USH2A: variants seen among roughly 807,000 people sequenced by gnomAD.
USH2A encodes the protein usherin, also known as Usher syndrome 2A (autosomal recessive, mild).
Under a neutral mutation model 538.9 loss-of-function variants are expected in USH2A, and 443 were observed. That is an observed-to-expected ratio of 0.82 (90% CI 0.76 to 0.89). USH2A has a LOEUF of 0.89. Among genes scored for constraint, USH2A ranks in the 40% least tolerant of loss-of-function variants. The pLI is 0.00. For synonymous variants in USH2A, 2,413 were observed against 2,273.5 expected, an observed-to-expected ratio of 1.06 and a Z score of -1.75; for missense variants, 6,633 against 6,324.8, an observed-to-expected ratio of 1.05 and a Z score of -1.65.
At chr1:215,864,897 A>C (rs1197981546) in intron 44 of USH2A, among the ~76,000 whole-genome samples, 1 of 152,180 alleles carries the variant, frequency 6.6e-6, no homozygotes, top group Admixed American at 6.5e-5. Context: ...TGCTACCAAA[A>C]TGATGTGTAC....
At chr1:215,957,061 T>C (rs957448541) in intron 37 of USH2A, among the ~76,000 whole-genome samples, 2 of 152,190 alleles carry the variant, frequency 1.3e-5, no homozygotes, top group African/African-American at 4.8e-5. Flanking sequence ...TAGATTTGTA[T>C]GTATTTATAC....
chr1:216,035,065 T>G (rs1186682429), intron 32 of USH2A, among the ~76,000 whole-genome samples: 2 of 152,224 alleles, frequency 1.3e-5, no homozygotes, highest in Non-Finnish European at 2.9e-5. Flanking sequence ...ATATCCATCT[T>G]AAAACTGATT....
At chr1:215,762,499 T>C (rs551258522) in intron 56 of USH2A, among the ~76,000 whole-genome samples, 1 of 152,314 alleles carries the variant, frequency 6.6e-6, no homozygotes, top group African/African-American at 2.4e-5. Context: ...AAAAGCTCTT[T>C]TCAAGTTGGT....
At chr1:216,181,005 C>T (rs1478447042) in intron 20 of USH2A, among the ~76,000 whole-genome samples, 3 of 152,018 alleles carry the variant, frequency 2.0e-5, no homozygotes, top group South Asian at 2.1e-4. Flanking sequence ...AGTTTTCCCC[C>T]GAAACTCTCA....
In USH2A at chr1:215,813,730, C is replaced by A. The variant is rs897563653; in HGVS notation, c.9739+6G>T. The stretch of plus-strand genomic sequence containing the variant: ...GTTTTTGAGTACACCTGGAAATAAC[C>A]CTCACCTGGTAGAATTCTAGCGTAA... On this transcript the variant is annotated splice_donor_region_variant and intron_variant, in intron 49 of 71. Transcript: ENST00000307340. The A allele has an allele frequency of 6.2e-7, 1 of 1,613,680 alleles. No homozygotes were observed. The highest frequency in any genetic ancestry group is 1.1e-5 in the South Asian group (1 of 91,080).
intron 37 of USH2A, among the ~76,000 whole-genome samples, chr1:215,957,425 T>C (rs1267492437): frequency 1.3e-5 from 2 of 152,192 alleles, no homozygotes; most frequent in African/African-American, 4.8e-5. Context: ...GAAGACATAG[T>C]ACAATATCTT....
At chr1:216,260,613 T>A (rs2036353038) in intron 11 of USH2A, among the ~76,000 whole-genome samples, 1 of 152,194 alleles carries the variant, frequency 6.6e-6, no homozygotes, top group Non-Finnish European at 1.5e-5. Context: ...TTGAGAATCA[T>A]GAATTAGAGG....
At chr1:216,212,704 T>TGTGTGTGC (rs781591943) in intron 15 of USH2A, among the ~76,000 whole-genome samples, 72 of 151,326 alleles carry the variant, frequency 4.8e-4, no homozygotes, top group African/African-American at 1.6e-3. Context: ...TGTGTGTGTG[T>TGTGTGTGC]GCATGCACAT....
chr1:215,981,841 G>A (rs887788450), intron 35 of USH2A, among the ~76,000 whole-genome samples: 2 of 152,110 alleles, frequency 1.3e-5, no homozygotes, highest in Non-Finnish European at 2.9e-5. Flanking sequence ...TCATTCAATG[G>A]CATTTTACTA....
intron 21 of USH2A, among the ~76,000 whole-genome samples, chr1:216,105,011 A>G (rs1248721998): frequency 6.6e-6 from 1 of 152,222 alleles, no homozygotes; most frequent in Non-Finnish European, 1.5e-5. Context: ...ATATGAACAC[A>G]TACTTCTCAA....
At chr1:216,260,746 T>C (rs921418680) in intron 11 of USH2A, among the ~76,000 whole-genome samples, 1 of 152,048 alleles carries the variant, frequency 6.6e-6, no homozygotes, top group Non-Finnish European at 1.5e-5. Flanking sequence ...ATTAACCAGC[T>C]CCATTATATT....
At chr1:216,064,594 C>T (rs1421853028) in intron 30 of USH2A, among the ~76,000 whole-genome samples, 1 of 151,798 alleles carries the variant, frequency 6.6e-6, no homozygotes, top group African/African-American at 2.4e-5. Flanking sequence ...TCATGTGCTA[C>T]ATAATGTTTT....
At position 215,639,187 on chromosome 1, in the gene USH2A, G is replaced by A. The variant is rs1237333884; in HGVS notation, c.15020C>T (p.Pro5007Leu). 1.2e-6 allele frequency: 2 copies of A among 1,614,048 alleles called. No homozygotes were observed. Among genetic ancestry groups the A allele is most frequent in the Non-Finnish European group, 1.7e-6 (2 of 1,180,000 alleles). Reference protein sequence around the residue: ...CTTDEGSVKTPLIQYDTSTGL... With the variant: ...CTTDEGSVKTLLIQYDTSTGL... ...AGTAGAGGTATCATATTGGATCAAC[G>A]GCGTCTTAACACTTCCTTCGTCAGT... The change falls in exon 69 of 72, where the codon CCG (proline) becomes CTG (leucine). Residue 5007 changes from proline (P) to leucine (L), a missense_variant. Transcript: ENST00000307340.
At chr1:215,999,104 T>A in intron 33 of USH2A, 46 bp from the exon 34 acceptor site, 2 of 1,504,962 alleles carry the variant, frequency 1.3e-6, no homozygotes, top group Non-Finnish European at 1.8e-6. Flanking sequence ...AAGTCAAAAC[T>A]AAAATATACA....
intron 13 of USH2A, among the ~76,000 whole-genome samples, chr1:216,245,216 C>T (rs972781249): frequency 2.0e-5 from 3 of 152,096 alleles, no homozygotes; most frequent in Non-Finnish European, 1.5e-5. Flanking sequence ...TACCACCTTG[C>T]TTCTACCTGA....
chr1:216,306,386 A>G (rs930135184), intron 9 of USH2A, among the ~76,000 whole-genome samples: 4 of 151,918 alleles, frequency 2.6e-5, no homozygotes, highest in Non-Finnish European at 4.4e-5. Flanking sequence ...TATGCTATTT[A>G]TTTATCTGGA....
At chr1:216,189,931 TA>T (rs1331712421) in intron 20 of USH2A, among the ~76,000 whole-genome samples, 1 of 151,990 alleles carries the variant, frequency 6.6e-6, no homozygotes, top group Non-Finnish European at 1.5e-5. Context: ...TAGTTCTATA[TA>T]TTTGTATATG....
chr1:215,764,977 TA>T (rs1046687100), intron 56 of USH2A, among the ~76,000 whole-genome samples: 1,726 of 143,230 alleles, frequency 0.012, 13 homozygotes, highest in African/African-American at 0.033. Flanking sequence ...TACATAAAGT[TA>T]AAAAAAAAAA....
chr1:216,232,058 C>G lies in USH2A; in HGVS notation c.2888G>C (p.Cys963Ser). Reference sequence around the variant, plus strand: ...AACACACTGACCAGTCAGGCTATTACAGATGTGATTAACTGCACCAGTTGT... The same window carrying G: ...AACACACTGACCAGTCAGGCTATTAGAGATGTGATTAACTGCACCAGTTGT... ...CHTTGAVNHI[C>S]NSLTGQCVCQ... The change falls in exon 14 of 72, where the codon TGT becomes TCT. Residue 963 changes from cysteine to serine, a missense_variant. Cys to Ser is a moderately radical substitution (Grantham distance 112). Transcript: ENST00000307340. 6.2e-7 allele frequency: 1 copy of G among 1,614,070 alleles called. No individual in the cohort carries two copies. Among genetic ancestry groups the G allele is most frequent in the South Asian group, 1.1e-5 (1 of 91,078 alleles).
Sources: gnomAD v4.1 joint callset for allele counts (sites outside exome capture counted in the v4.1 genomes callset) on GRCh38, gnomAD v4.1.1 for gene constraint, MANE v1.5 for transcripts, NCBI Gene and HGNC (gene_info 2026-07-23, HGNC 2026-07-21) for gene names.